Variants in ABCA12 observed in about 807,000 individuals in gnomAD.
ABCA12 encodes glucosylceramide transporter ABCA12.
ABCA12 carries 156 observed loss-of-function variants against 293.5 expected under a neutral mutation model. The ratio of observed to expected loss-of-function variants is 0.53; its 90% confidence interval spans 0.47 to 0.61. ABCA12 has a LOEUF of 0.61. Among genes scored for constraint, ABCA12 ranks in the 20% least tolerant of loss-of-function variants. ABCA12 has a pLI of 0.00. For missense variants in ABCA12, 2,797 were observed against 3,090.2 expected, an observed-to-expected ratio of 0.91 and a Z score of 2.25; for synonymous variants, 1,063 against 1,108.0, an observed-to-expected ratio of 0.96 and a Z score of 0.81.
chr2:214,954,946 C>T (rs1256732135), intron 43 of ABCA12, among the ~76,000 whole-genome samples: 11 of 152,080 alleles, frequency 7.2e-5, no homozygotes, highest in Admixed American at 2.0e-4. Context: ...TATGTAGTGC[C>T]GCACAATACA....
rs189572158 is a variant in ABCA12 at position 215,124,808 on chromosome 2, A to C, written c.70-13118T>G. Among the ~76,000 whole-genome samples, 440 of 152,240 alleles carry C rather than the reference A, an allele frequency of 2.9e-3. 1 individual carries two copies. Among genetic ancestry groups the C allele is most frequent in the African/African-American group, 0.01 (423 of 41,536 alleles). The stretch of plus-strand genomic sequence containing the variant: ...TGCTGTGCAAAAGCTGTTTCATTTA[A>C]TTAGGTCCCAGCTATTTATCTTTGT... On this transcript the variant is annotated intron_variant, in intron 1 of 52. Transcript: ENST00000272895.
rs1414052731 is a variant in ABCA12, at chr2:214,931,699, A to C, written c.*935T>G. ...TTGCCATTATTAAGAAGTCTATCCT[A>C]TAGCCATATACACGATTCTGGGTCA... On this transcript the variant is annotated 3_prime_UTR_variant, in exon 53 of 53. Transcript: ENST00000272895. The C allele has an allele frequency of 6.6e-6, 1 of 152,652 alleles. No homozygotes were observed. The highest frequency in any genetic ancestry group is 2.4e-5 in the African/African-American group (1 of 41,426). 9.5% of individuals were successfully genotyped at this position (152,652 alleles called of 1,614,324 possible). A position where few individuals can be genotyped will look rare whatever the true frequency, so the allele number is the denominator to read the frequency against.
At chr2:215,124,704 G>T (rs758797010) in intron 1 of ABCA12, among the ~76,000 whole-genome samples, 3 of 152,132 alleles carry the variant, frequency 2.0e-5, no homozygotes, top group Non-Finnish European at 4.4e-5. Context: ...CTGGATATTA[G>T]TACTTTGTCA....
At chr2:215,077,477 G>A (rs188629210) in intron 2 of ABCA12, among the ~76,000 whole-genome samples, 94 of 152,216 alleles carry the variant, frequency 6.2e-4, no homozygotes, top group African/African-American at 2.1e-3. Flanking sequence ...TCCTTGCCCT[G>A]TTTATTATGA....
At chr2:215,049,864 T>C (rs1394905622) in intron 5 of ABCA12, 53 bp from the exon 6 acceptor site, 21 of 1,502,108 alleles carry the variant, frequency 1.4e-5, no homozygotes, top group Non-Finnish European at 1.8e-5. Flanking sequence ...ATGTAGATGT[T>C]CAAATATTCT....
chr2:215,033,076 G>A (rs1700913838), intron 8 of ABCA12, among the ~76,000 whole-genome samples: 1 of 152,192 alleles, frequency 6.6e-6, no homozygotes, highest in East Asian at 1.9e-4. Flanking sequence ...GCTGTCTCAG[G>A]TTTTTCTGTT....
intron 14 of ABCA12, among the ~76,000 whole-genome samples, chr2:215,017,142 T>C (rs1700522527): frequency 1.3e-5 from 2 of 152,192 alleles, no homozygotes. Flanking sequence ...GCTGCAATAT[T>C]TTTTAAGGGG....
At chr2:214,965,495 T>G (rs1424556906) in intron 39 of ABCA12, among the ~76,000 whole-genome samples, 2 of 151,926 alleles carry the variant, frequency 1.3e-5, no homozygotes, top group Non-Finnish European at 2.9e-5. Flanking sequence ...CTGACAAAGG[T>G]CTAATATCCA....
intron 2 of ABCA12, among the ~76,000 whole-genome samples, chr2:215,078,283 G>A (rs562633708): frequency 6.6e-6 from 1 of 152,248 alleles, no homozygotes; most frequent in East Asian, 1.9e-4. Context: ...CATTCCCCTT[G>A]ACTCCTACAG....
At chr2:214,948,474 T>G in intron 47 of ABCA12, 122 bp downstream of exon 47, 3 of 1,070,490 alleles carry the variant, frequency 2.8e-6, no homozygotes, top group Non-Finnish European at 4.1e-6. Flanking sequence ...AATGACAATG[T>G]TTTCCAGGTG....
chr2:215,046,134 T>G (rs1179220381), intron 6 of ABCA12, 119 bp from the exon 7 acceptor site: 2 of 980,644 alleles, frequency 2.0e-6, no homozygotes, highest in South Asian at 3.0e-5. Flanking sequence ...CTTTTAGACC[T>G]TCACTCAGTT....
rs1701277265 is a variant in ABCA12, at chr2:215,049,615, T to C, written c.693+11A>G. On this transcript the variant is annotated intron_variant, in intron 6 of 52. Transcript: ENST00000272895. ...GTTGAGTCACTTTGTGGATCAAAGA[T>C]CTACACTCACCTGGGAGAACTGTTT... The C allele has an allele frequency of 1.2e-6, 2 of 1,612,326 alleles. No homozygotes were observed. Among genetic ancestry groups the C allele is most frequent in the Non-Finnish European group, 1.7e-6 (2 of 1,178,618 alleles).
Position 215,001,591 on chromosome 2 carries a change from T to G in ABCA12, c.2830A>C (p.Lys944Gln). 1 of 1,613,804 alleles carries G rather than the reference T, an allele frequency of 6.2e-7. No homozygotes were observed. Among genetic ancestry groups the G allele is most frequent in the East Asian group, 2.2e-5 (1 of 44,808 alleles). The part of the protein sequence containing the change: ...KTIDEMEREA[K>Q]RLYKSNELFG... ...AGTTCGTTGCTTTTGTAGAGCCTTT[T>G]AGCCTCTCTCTCCATTTCATCTATG... The change falls in exon 21 of 53, where the codon AAA becomes CAA. Residue 944 changes from lysine (K) to glutamine (Q), a missense_variant. Coordinates refer to ENST00000272895, the MANE Select transcript of ABCA12 (RefSeq NM_173076.3).
chr2:215,134,593 C>G lies in ABCA12; in HGVS notation c.69+3547G>C, dbSNP rs551510247. ...ATATATATAATCTCTCTCTCTCTCTCTCTCTCTATATATATATATATATAG... is the reference window on the plus strand; with the variant it reads ...ATATATATAATCTCTCTCTCTCTCTGTCTCTCTATATATATATATATATAG... On this transcript the variant is annotated intron_variant, in intron 1 of 52. Transcript: ENST00000272895. 2.5e-5 allele frequency among the ~76,000 whole-genome samples: 2 copies of G among 81,502 alleles called. 1 individual carries two copies. The highest frequency in any genetic ancestry group is 1.9e-4 in the African/African-American group (2 of 10,586). The allele number at this position is 81,502 out of a possible 152,430, so 53.5% of individuals were successfully genotyped here. A position where few individuals can be genotyped will look rare whatever the true frequency, so the allele number is the denominator to read the frequency against.
chr2:215,076,012 G>A (rs566765354), intron 2 of ABCA12, among the ~76,000 whole-genome samples: 3 of 152,252 alleles, frequency 2.0e-5, no homozygotes, highest in Admixed American at 6.5e-5. Context: ...TTAGGTCTTT[G>A]GTATTCATAT....
rs1261049441 is a variant in ABCA12 at position 214,958,462 on chromosome 2, G to A, written c.5940-8C>T. On this transcript the variant is annotated splice_region_variant and splice_polypyrimidine_tract_variant and intron_variant, in intron 40 of 52. Transcript: ENST00000272895. ...TCGATTAAACTGCTGATTCTAGAGTGAGCAATAGGGAGAGGAAAACACACA... is the reference window on the plus strand; with the variant it reads ...TCGATTAAACTGCTGATTCTAGAGTAAGCAATAGGGAGAGGAAAACACACA... 1 of 1,613,484 alleles carries A rather than the reference G, an allele frequency of 6.2e-7. No homozygotes were observed. The highest frequency in any genetic ancestry group is 2.2e-5 in the East Asian group (1 of 44,822).
At chr2:215,138,115 A>G (rs1348992684) in intron 1 of ABCA12, 25 bp downstream of exon 1, 1 of 1,611,418 alleles carries the variant, frequency 6.2e-7, no homozygotes, top group Non-Finnish European at 8.5e-7. Flanking sequence ...CATGACCCAT[A>G]CTCCCACACT....
At chr2:215,136,000 CT>C (rs1703217952) in intron 1 of ABCA12, among the ~76,000 whole-genome samples, 2 of 152,274 alleles carry the variant, frequency 1.3e-5, no homozygotes, top group African/African-American at 4.8e-5. Flanking sequence ...ACAGGTCTCT[CT>C]TGTCCCTCTG....
intron 2 of ABCA12, among the ~76,000 whole-genome samples, chr2:215,073,246 A>G (rs889454974): frequency 2.6e-5 from 4 of 152,164 alleles, no homozygotes; most frequent in African/African-American, 9.7e-5. Flanking sequence ...AAGATTCACG[A>G]TTGCATTTTT....
Sources: allele counts gnomAD v4.1 joint callset (sites outside exome capture counted in the v4.1 genomes callset), GRCh38; gene constraint gnomAD v4.1.1; transcripts MANE v1.5; gene names NCBI Gene and HGNC (gene_info 2026-07-23, HGNC 2026-07-21).